The following BMPR1B variants were observed in gnomAD, a reference collection of about 807,000 sequenced individuals.
The protein encoded by BMPR1B is bone morphogenetic protein receptor type-1B.
In BMPR1B, 12 loss-of-function variants were observed where a neutral mutation model predicts 59.1. The observed-to-expected ratio is 0.20, with a 90% confidence interval of 0.13 to 0.33. The LOEUF (loss-of-function observed/expected upper bound fraction) is 0.33, where lower values mean the gene tolerates loss of function less well. BMPR1B is among the 10% of genes least tolerant of loss of function. The pLI is 1.00. For synonymous variants in BMPR1B, 237 were observed against 207.3 expected (o/e 1.14, Z -1.23); for missense variants, 550 against 610.9 (o/e 0.90, Z 1.05).
intron 1 of BMPR1B, among the ~76,000 whole-genome samples, chr4:94,795,313 G>A (rs1723143869): frequency 6.7e-6 from 1 of 149,468 alleles, no homozygotes; most frequent in East Asian, 2.0e-4. Context: ...TTTATATGCT[G>A]GATTACATTT....
intron 3 of BMPR1B, among the ~76,000 whole-genome samples, chr4:95,054,919 A>G (rs533144926): frequency 6.6e-6 from 1 of 152,330 alleles, no homozygotes; most frequent in African/African-American, 2.4e-5. Context: ...TCCCTGTTAA[A>G]TGTACATGTG....
intron 3 of BMPR1B, among the ~76,000 whole-genome samples, chr4:95,021,245 A>G (rs887061955): frequency 6.6e-6 from 1 of 152,230 alleles, no homozygotes; most frequent in Non-Finnish European, 1.5e-5. Flanking sequence ...TATATTCAAC[A>G]TGGAAGAAAG....
chr4:95,071,648 G>GTATA (rs1553933769), intron 3 of BMPR1B, among the ~76,000 whole-genome samples: 110 of 104,732 alleles, frequency 1.1e-3, no homozygotes, highest in African/African-American at 3.9e-3. Context: ...GTGTGTGTGT[G>GTATA]TGTGTATATA....
At chr4:94,840,846 T>C (rs1287902355) in intron 1 of BMPR1B, among the ~76,000 whole-genome samples, 1 of 148,674 alleles carries the variant, frequency 6.7e-6, no homozygotes, top group Non-Finnish European at 1.5e-5. Flanking sequence ...GCTCTGCTTT[T>C]TGGAGTTTCC....
At chr4:94,831,047 G>A (rs1355401352) in intron 1 of BMPR1B, among the ~76,000 whole-genome samples, 2 of 152,112 alleles carry the variant, frequency 1.3e-5, no homozygotes, top group African/African-American at 4.8e-5. Flanking sequence ...AGGTCCTTTA[G>A]GAGGCATTCC....
At chr4:94,863,689 G>A (rs1056535273) in intron 1 of BMPR1B, among the ~76,000 whole-genome samples, 2 of 152,094 alleles carry the variant, frequency 1.3e-5, no homozygotes, top group African/African-American at 2.4e-5. Flanking sequence ...AGTTCTAGGC[G>A]GCAATGTGGC....
At chr4:94,904,880 A>G (rs1727978711) in intron 2 of BMPR1B, among the ~76,000 whole-genome samples, 1 of 151,982 alleles carries the variant, frequency 6.6e-6, no homozygotes, top group African/African-American at 2.4e-5. Context: ...TCAGCATTCT[A>G]TGTGTATACT....
At chr4:95,040,445 A>AT (rs1725571247) in intron 3 of BMPR1B, among the ~76,000 whole-genome samples, 1 of 152,220 alleles carries the variant, frequency 6.6e-6, no homozygotes. Context: ...TTTAGGATGA[A>AT]ATAAGAGTTA....
At chr4:95,040,809 G>T (rs559522940) in intron 3 of BMPR1B, among the ~76,000 whole-genome samples, 1 of 152,260 alleles carries the variant, frequency 6.6e-6, no homozygotes, top group East Asian at 1.9e-4. Flanking sequence ...AGTTCTCTTG[G>T]TGTGAAGAAA....
At chr4:95,093,445 AGGTTTATAATTCTATGTC>A in intron 3 of BMPR1B, among the ~76,000 whole-genome samples, 1 of 21,986 alleles carries the variant, frequency 4.5e-5, no homozygotes, top group Admixed American at 4.8e-4. Flanking sequence ...ATGTCTGCTG[AGGTTTATAATTCTATGTC>A]AATTACCTGG....
chr4:94,841,353 C>T (rs1257964290), intron 1 of BMPR1B, among the ~76,000 whole-genome samples: 13 of 149,308 alleles, frequency 8.7e-5, no homozygotes, highest in Non-Finnish European at 1.5e-4. Context: ...GGGCGCCCCT[C>T]CCCCAGCCTC....
intron 2 of BMPR1B, among the ~76,000 whole-genome samples, chr4:94,903,745 T>A (rs1386855889): frequency 6.6e-6 from 1 of 151,938 alleles, no homozygotes; most frequent in African/African-American, 2.4e-5. Context: ...CCGGTATGAC[T>A]GGTGTCCTTA....
intron 10 of BMPR1B, among the ~76,000 whole-genome samples, chr4:95,142,856 G>A (rs532327891): frequency 1.3e-5 from 2 of 149,770 alleles, no homozygotes; most frequent in Non-Finnish European, 3.0e-5. Flanking sequence ...CAGAATTTCT[G>A]GGTTTAGGTT....
rs189574622 is a variant in BMPR1B at position 94,773,938 on chromosome 4, A to G, written c.-183+15870A>G. Among the ~76,000 whole-genome samples, 9 of 152,186 alleles carry G rather than the reference A, an allele frequency of 5.9e-5. No homozygotes were observed. In the East Asian group the frequency reaches 1.3e-3, roughly 23 times the overall value. On this transcript the variant is annotated intron_variant, in intron 1 of 12. Coordinates refer to ENST00000515059, the MANE Select transcript of BMPR1B (RefSeq NM_001203.3). ...GTATTCTTTTCCTAAAATATTATGT[A>G]GTCACACTGTTCTGTGATTGTTTAA...
At chr4:94,778,044 A>G (rs890764956) in intron 1 of BMPR1B, among the ~76,000 whole-genome samples, 4 of 152,084 alleles carry the variant, frequency 2.6e-5, no homozygotes, top group African/African-American at 7.2e-5. Flanking sequence ...AAAAGTGTAT[A>G]TATATGTATA....
chr4:95,105,762 C>G (rs1432612094), intron 4 of BMPR1B, among the ~76,000 whole-genome samples: 3 of 151,806 alleles, frequency 2.0e-5, no homozygotes, highest in Admixed American at 2.0e-4. Flanking sequence ...ATTTTTTTGC[C>G]AAGGTAAAAC....
intron 11 of BMPR1B, among the ~76,000 whole-genome samples, chr4:95,151,487 A>C (rs1735039044): frequency 6.6e-6 from 1 of 152,202 alleles, no homozygotes; most frequent in African/African-American, 2.4e-5. Context: ...TTCTTATCTC[A>C]TATGGAGGTA....
chr4:95,089,937 T>C (rs891492524), intron 3 of BMPR1B, among the ~76,000 whole-genome samples: 1 of 152,146 alleles, frequency 6.6e-6, no homozygotes. Context: ...TATAGACTAA[T>C]GGTAGAATTA....
intron 1 of BMPR1B, among the ~76,000 whole-genome samples, chr4:94,827,845 G>A (rs1401464628): frequency 1.3e-5 from 2 of 152,172 alleles, no homozygotes; most frequent in Non-Finnish European, 2.9e-5. Flanking sequence ...AGTTTTCATC[G>A]AAGCAGCACA....
Sources: allele counts gnomAD v4.1 joint callset (sites outside exome capture counted in the v4.1 genomes callset), GRCh38; gene constraint gnomAD v4.1.1; transcripts MANE v1.5; gene names NCBI Gene and HGNC (gene_info 2026-07-23, HGNC 2026-07-21).